CFAP161: variants seen among roughly 807,000 people sequenced by gnomAD.
CFAP161 encodes cilia- and flagella-associated protein 161.
Under a neutral mutation model 29.0 loss-of-function variants are expected in CFAP161, and 25 were observed. That is an observed-to-expected ratio of 0.86 (90% CI 0.63 to 1.20). CFAP161 has a LOEUF of 1.20. Ranked by LOEUF, CFAP161 falls within the 50% of genes most tolerant of loss-of-function variation. The pLI is 0.00. For missense variants in CFAP161, 367 were observed against 371.9 expected (o/e 0.99, Z 0.11); for synonymous variants, 116 against 137.4 (o/e 0.84, Z 1.09).
rs746363584 is a variant in CFAP161, at chr15:81,143,669, T to C, written c.485T>C (p.Leu162Ser). Residue 162 changes from leucine to serine, a missense_variant, in exon 5 of 7, where the codon TTG becomes TCG. Coordinates refer to ENST00000286732, the MANE Select transcript of CFAP161 (RefSeq NM_173528.4). ...TGGFDNKMLY[L>S]SSDHRTLLKS... Reference sequence around the variant, plus strand: ...GCTTGCTGTCATTTTCAGTTGTATTTGTCAAGTGACCACAGGACCCTCCTG... The same window carrying C: ...GCTTGCTGTCATTTTCAGTTGTATTCGTCAAGTGACCACAGGACCCTCCTG... 2 of 1,611,442 alleles carry C rather than the reference T, an allele frequency of 1.2e-6. No individual in the cohort carries two copies. Among genetic ancestry groups the C allele is most frequent in the South Asian group, 1.1e-5 (1 of 90,740 alleles).
intron 1 of CFAP161, among the ~76,000 whole-genome samples, chr15:81,111,435 G>A (rs1056367969): frequency 6.6e-6 from 1 of 152,126 alleles, no homozygotes; most frequent in Non-Finnish European, 1.5e-5. Flanking sequence ...GTCAGCACAC[G>A]GCATCACCTC....
chr15:81,113,939 A>G (rs1216947552), intron 1 of CFAP161, among the ~76,000 whole-genome samples: 1 of 152,248 alleles, frequency 6.6e-6, no homozygotes, highest in East Asian at 1.9e-4. Flanking sequence ...CAGTGTGATC[A>G]AAAGGAGCTT....
chr15:81,130,615 G>A (rs762838958), upstream of CFAP161, among the ~76,000 whole-genome samples: 18 of 152,178 alleles, frequency 1.2e-4, 1 homozygote, highest in African/African-American at 2.7e-4. Flanking sequence ...CAGGAGAATC[G>A]CTTGAACCTG....
chr15:81,141,688 CTTTTT>C lies in CFAP161; in HGVS notation c.478-1964_478-1960del, dbSNP rs111423310. Among the ~76,000 whole-genome samples the C allele has an allele frequency of 3.6e-5, 5 of 140,306 alleles. No individual in the cohort carries two copies. In the Admixed American group the frequency reaches 3.6e-4, roughly 10 times the overall value. 92.0% of individuals were successfully genotyped at this position (140,306 alleles called of 152,430 possible). ...GTGGTTTGAGACAGATAGTATTTGC[CTTTTT>C]TTTTTTTTTAAGTTGGTGTCTCACT... On this transcript the variant is annotated intron_variant, in intron 4 of 6. Coordinates refer to ENST00000286732, the MANE Select transcript of CFAP161 (RefSeq NM_173528.4).
upstream of CFAP161, among the ~76,000 whole-genome samples, chr15:81,133,141 A>C (rs1894734189): frequency 6.9e-6 from 1 of 145,436 alleles, no homozygotes; most frequent in African/African-American, 2.5e-5. Context: ...TCCTCAAGAC[A>C]GAAAGGATCC....
intron 1 of CFAP161, among the ~76,000 whole-genome samples, chr15:81,122,618 T>C (rs191852547): frequency 1.3e-5 from 2 of 151,882 alleles, no homozygotes; most frequent in Non-Finnish European, 2.9e-5. Flanking sequence ...TAGCCTCCCT[T>C]GTAGCTGGGA....
intron 5 of CFAP161, among the ~76,000 whole-genome samples, chr15:81,144,261 C>T (rs767032691): frequency 6.1e-4 from 93 of 152,308 alleles, no homozygotes; most frequent in Non-Finnish European, 7.8e-4. Flanking sequence ...CTGCTTCCTT[C>T]GCACTGTTTT....
chr15:81,105,163 T>TCCTTCCCTC (rs1894352735), intron 1 of CFAP161, among the ~76,000 whole-genome samples: 1 of 33,140 alleles, frequency 3.0e-5, no homozygotes, highest in African/African-American at 1.9e-4. Context: ...CTCCCTCCCT[T>TCCTTCCCTC]CCTTCCTCCC....
At chr15:81,108,589 AATCTATGC>A (rs1164798875) in intron 1 of CFAP161, among the ~76,000 whole-genome samples, 3 of 152,120 alleles carry the variant, frequency 2.0e-5, no homozygotes, top group Non-Finnish European at 2.9e-5. Context: ...GGTGGTTTTC[AATCTATGC>A]TCTACAGATT....
chr15:81,108,117 T>C (rs2141861777), intron 1 of CFAP161, among the ~76,000 whole-genome samples: 1 of 152,322 alleles, frequency 6.6e-6, no homozygotes, highest in Non-Finnish European at 1.5e-5. Flanking sequence ...TGCACATTCA[T>C]CCAGTATCTT....
Position 81,147,931 on chromosome 15 carries a change from G to C in CFAP161, c.710G>C (p.Ser237Thr). Residue 237 changes from serine to threonine, a missense_variant and splice_region_variant, in exon 6 of 7, where the codon AGC (serine) becomes ACC (threonine). By Grantham distance (58) the Ser-to-Thr change is moderately conservative. Transcript: ENST00000286732. ...GCAGCCCACCGGCATCTTTTCTTAA[G>C]GTATTGTATTTCAGGGTACAACAAA... ...GLAAHRHLFL[S>T]TYFGKEAEVV... 6.2e-7 allele frequency: 1 copy of C among 1,605,830 alleles called. No homozygotes were observed. Among genetic ancestry groups the C allele is most frequent in the Non-Finnish European group, 8.5e-7 (1 of 1,175,228 alleles).
intron 5 of CFAP161, among the ~76,000 whole-genome samples, chr15:81,144,332 C>T (rs1431250215): frequency 3.3e-5 from 5 of 152,234 alleles, no homozygotes; most frequent in East Asian, 1.9e-4. Context: ...CGGTGGCTCA[C>T]GCCTGCAATC....
At chr15:81,134,133 G>C, upstream of CFAP161, 1 of 577,286 alleles carries the variant, frequency 1.7e-6, no homozygotes, top group Non-Finnish European at 3.1e-6. Context: ...GGTGGAAGTG[G>C]GGCGGGCTGG....
At chr15:81,114,595 G>A in intron 1 of CFAP161, among the ~76,000 whole-genome samples, 1 of 152,316 alleles carries the variant, frequency 6.6e-6, no homozygotes, top group Non-Finnish European at 1.5e-5. Flanking sequence ...ATAGAACATC[G>A]CAATGGGAAT....
intron 1 of CFAP161, among the ~76,000 whole-genome samples, chr15:81,126,148 C>T (rs12899632): frequency 0.087 from 13,312 of 152,152 alleles, 628 homozygotes; most frequent in South Asian, 0.14. Context: ...GGATTACAGG[C>T]GCGAGCCACC....
At chr15:81,141,349 T>G (rs1282395128) in intron 4 of CFAP161, among the ~76,000 whole-genome samples, 1 of 152,228 alleles carries the variant, frequency 6.6e-6, no homozygotes, top group Admixed American at 6.5e-5. Flanking sequence ...TTTGATAGAA[T>G]AAAGGATAAT....
At chr15:81,103,231 G>A (rs1054310615) in intron 1 of CFAP161, among the ~76,000 whole-genome samples, 12 of 152,202 alleles carry the variant, frequency 7.9e-5, no homozygotes, top group African/African-American at 2.9e-4. Context: ...TTGTGATAAA[G>A]ACTGGTTTTC....
intron 3 of CFAP161, among the ~76,000 whole-genome samples, chr15:81,137,038 A>G (rs1484441619): frequency 6.6e-6 from 1 of 152,138 alleles, no homozygotes; most frequent in Non-Finnish European, 1.5e-5. Context: ...GGTTTTCCCT[A>G]TAACATTTTG....
At chr15:81,134,435 A>G (rs1172342407) in intron 1 of CFAP161, 37 bp downstream of exon 1, 3 of 1,554,162 alleles carry the variant, frequency 1.9e-6, no homozygotes, top group East Asian at 2.4e-5. Context: ...CCCGCAGCTC[A>G]GGAACTCCCA....
Sources: allele counts gnomAD v4.1 joint callset (sites outside exome capture counted in the v4.1 genomes callset), GRCh38; gene constraint gnomAD v4.1.1; transcripts MANE v1.5; gene names NCBI Gene and HGNC (gene_info 2026-07-23, HGNC 2026-07-21).